The following TCF3 variants were observed in gnomAD, a reference collection of about 807,000 sequenced individuals.
TCF3 encodes the protein transcription factor E2-alpha.
TCF3 carries 54 observed loss-of-function variants against 72.3 expected under a neutral mutation model. The observed-to-expected ratio is 0.75, with a 90% CI of 0.60 to 0.94. The LOEUF is 0.94. TCF3 is among the 40% of genes least tolerant of loss of function. The pLI is 0.00. For missense variants in TCF3, 1,078 were observed against 934.4 expected (o/e 1.15, Z -2.00); for synonymous variants, 525 against 412.6 (o/e 1.27, Z -3.30).
In TCF3 at chr19:1,612,577, ACAGCAGTGTGGG is replaced by A; in HGVS notation, c.1823-740_1823-729del. 5.3e-6 allele frequency: 4 copies of A among 749,012 alleles called. No individual in the cohort carries two copies. In the Admixed American group the frequency reaches 7.8e-5, roughly 15 times the overall value. 46.4% of individuals were successfully genotyped at this position (749,012 alleles called of 1,614,324 possible). A position where few individuals can be genotyped will look rare whatever the true frequency, so the allele number is the denominator to read the frequency against. ...GGGTACACGGCTGGTGTTGGTGGGC[ACAGCAGTGTGGG>A]CAGCAGTGCAGGTACATGGCTTACA... On this transcript the variant is annotated intron_variant, in intron 18 of 18. Coordinates refer to ENST00000262965, the MANE Select transcript of TCF3 (RefSeq NM_003200.5).
intron 8 of TCF3, among the ~76,000 whole-genome samples, chr19:1,623,382 C>CTTT (rs371876498): frequency 3.1e-5 from 4 of 129,854 alleles, no homozygotes; most frequent in East Asian, 2.5e-4. Flanking sequence ...GCACCCCCCG[C>CTTT]TTTTTTTTTT....
intron 7 of TCF3, 108 bp from the exon 8 acceptor site, chr19:1,624,108 C>T: frequency 1.7e-6 from 2 of 1,173,376 alleles, no homozygotes; most frequent in Non-Finnish European, 2.5e-6. Flanking sequence ...TATTAAAAAC[C>T]TCGGGTCGGC....
chr19:1,648,827 G>GTT (rs910933432), intron 2 of TCF3, among the ~76,000 whole-genome samples: 1 of 150,866 alleles, frequency 6.6e-6, no homozygotes, highest in Non-Finnish European at 1.5e-5. Flanking sequence ...TGGGGGGGGG[G>GTT]GGGGAGCAGA....
chr19:1,645,900 C>A (rs561717355), intron 3 of TCF3, among the ~76,000 whole-genome samples: 1 of 152,180 alleles, frequency 6.6e-6, no homozygotes, highest in Non-Finnish European at 1.5e-5. Flanking sequence ...ATACAGCAAG[C>A]GCCTAATACC....
Position 1,622,363 on chromosome 19 carries a change from G to C in TCF3, c.602C>G (p.Pro201Arg), listed in dbSNP as rs770464889. 1.3e-6 allele frequency: 2 copies of C among 1,529,808 alleles called. No individual in the cohort carries two copies. Among genetic ancestry groups the C allele is most frequent in the Admixed American group, 2.1e-5 (1 of 48,746 alleles). 94.8% of individuals were successfully genotyped at this position (1,529,808 alleles called of 1,614,324 possible). Residue 201 changes from proline to arginine, a missense_variant, in exon 9 of 19, where the codon CCG becomes CGG. By Grantham distance (103) the Pro-to-Arg change is moderately radical (BLOSUM62 -2). Coordinates refer to ENST00000262965, the MANE Select transcript of TCF3 (RefSeq NM_003200.5). ...EDYGRDATAY[P>R]SAKTPSSTYP... ...GGTGCTGCTGGGGGTCTTGGCGGAC[G>C]GGTAGGCGGTGGCATCCCTGCCGTA...
intron 3 of TCF3, 99 bp downstream of exon 3, chr19:1,646,256 C>G (rs1163210615): frequency 7.7e-6 from 10 of 1,295,928 alleles, no homozygotes; most frequent in Non-Finnish European, 8.6e-6. Context: ...CCCATTGTCT[C>G]CCTCCTTTGC....
At chr19:1,612,298 C>A in intron 18 of TCF3, 1 of 1,613,842 alleles carries the variant, frequency 6.2e-7, no homozygotes, top group South Asian at 1.1e-5. Context: ...TGAGGTGCAT[C>A]TGGCACATGC....
At position 1,642,154 on chromosome 19, in the gene TCF3, ACACACACACAC is replaced by A. The variant is rs1568482304; in HGVS notation, c.145+4190_145+4200del. Among the ~76,000 whole-genome samples, 72 of 151,642 alleles carry A rather than the reference ACACACACACAC, an allele frequency of 4.7e-4. 1 individual carries two copies. The South Asian group carries it at 0.014, about 30-fold the overall frequency. On this transcript the variant is annotated intron_variant, in intron 3 of 18. Transcript: ENST00000262965. ...TACACACACACACACACACACACAC[ACACACACACAC>A]GCACGCGTACACACACGCACGCAGA... is the stretch of plus-strand genomic sequence containing the variant.
intron 18 of TCF3, among the ~76,000 whole-genome samples, chr19:1,612,712 G>A (rs961688648): frequency 1.0e-4 from 15 of 144,916 alleles, no homozygotes; most frequent in Admixed American, 4.1e-4. Context: ...GCGGGTACAC[G>A]GCTGGTGTGG....
chr19:1,630,919 G>A (rs1394496057), intron 5 of TCF3, among the ~76,000 whole-genome samples: 2 of 152,260 alleles, frequency 1.3e-5, no homozygotes, highest in Non-Finnish European at 2.9e-5. Context: ...CCGCAGGAGG[G>A]ACCGCACACG....
chr19:1,615,180 G>A lies in TCF3; in HGVS notation c.1822+105C>T, dbSNP rs1176182831. 2.2e-6 allele frequency: 3 copies of A among 1,378,074 alleles called. No individual in the cohort carries two copies. The highest frequency in any genetic ancestry group is 1.5e-5 in the African/African-American group (1 of 68,832). 85.4% of individuals were successfully genotyped at this position (1,378,074 alleles called of 1,614,324 possible). ...TCACTGCAAGGAGGCAACTGCTGCA[G>A]AGGGAGGGCTGGCTCCAGGAAGGCG... is the stretch of plus-strand genomic sequence containing the variant. On this transcript the variant is annotated intron_variant, in intron 18 of 18. Coordinates refer to ENST00000262965, the MANE Select transcript of TCF3 (RefSeq NM_003200.5). The surrounding 1 kb of genome is among the most constrained non-coding windows in gnomAD (Gnocchi z 7.3).
chr19:1,631,544 C>T (rs1349520345), intron 5 of TCF3, among the ~76,000 whole-genome samples: 4 of 152,118 alleles, frequency 2.6e-5, no homozygotes, highest in Non-Finnish European at 1.5e-5. Context: ...GCTGGTATTA[C>T]AGGCGTGAGC....
rs754176050 is a variant in TCF3 at position 1,621,890 on chromosome 19, G to A, written c.903C>T (p.Tyr301=). 1.5e-5 allele frequency: 24 copies of A among 1,596,564 alleles called. No homozygotes were observed. The highest frequency in any genetic ancestry group is 4.5e-5 in the South Asian group (4 of 88,304). The change falls in exon 11 of 19, where the codon TAC becomes TAT. Residue 301 remains tyrosine, a synonymous_variant. Coordinates refer to ENST00000262965, the MANE Select transcript of TCF3 (RefSeq NM_003200.5). ...SSFSSAPGAT[Y]GGVSSHTPPV... ...GCGGCGTGTGGCTGGAGACGCCGCC[G>A]TACGTGGCTCCGGGGGCTGAGGAGA...
Position 1,646,682 on chromosome 19 carries a change from C to A in TCF3, c.73-255G>T, listed in dbSNP as rs574331696. On this transcript the variant is annotated intron_variant, in intron 2 of 18. Coordinates refer to ENST00000262965, the MANE Select transcript of TCF3 (RefSeq NM_003200.5). ...AACTCCAGACGATGACCCCGCTGTA[C>A]CGCCAGGCAGAGTCCCTGCCGCTGA... 6.6e-5 allele frequency among the ~76,000 whole-genome samples: 10 copies of A among 152,318 alleles called. No homozygotes were observed. The South Asian group carries it at 2.1e-3, about 32-fold the overall frequency.
intron 18 of TCF3, among the ~76,000 whole-genome samples, chr19:1,613,659 A>G (rs2061264529): frequency 6.6e-6 from 1 of 152,070 alleles, no homozygotes; most frequent in African/African-American, 2.4e-5. Context: ...GGGACTGGGG[A>G]GTCCAGGACT....
At position 1,615,941 on chromosome 19, in the gene TCF3, TAAAAAC is replaced by T. The variant is rs1312722100; in HGVS notation, c.1451-126_1451-121del. 4 of 1,309,148 alleles carry T rather than the reference TAAAAAC, an allele frequency of 3.1e-6. No individual in the cohort carries two copies. The highest frequency in any genetic ancestry group is 4.3e-4 in the Middle Eastern group (2 of 4,634). The allele number at this position is 1,309,148 out of a possible 1,614,324, so 81.1% of individuals were successfully genotyped here. A position where few individuals can be genotyped will look rare whatever the true frequency, so the allele number is the denominator to read the frequency against. ...GGAAAAACCAGGTCTTGGCCAAAAA[TAAAAAC>T]AAAAAACCAACAACCAGAACTGGAT... On this transcript the variant is annotated intron_variant, in intron 16 of 18. Coordinates refer to ENST00000262965, the MANE Select transcript of TCF3 (RefSeq NM_003200.5). This position sits in a 1 kb window ranked among gnomAD's most constrained non-coding sequence, Gnocchi z 7.3.
chr19:1,640,152 AG>A (rs573453913), intron 3 of TCF3, among the ~76,000 whole-genome samples: 1 of 152,268 alleles, frequency 6.6e-6, no homozygotes, highest in Admixed American at 6.5e-5. Flanking sequence ...GTTATCAAAG[AG>A]CCGAACGGGG....
intron 3 of TCF3, among the ~76,000 whole-genome samples, chr19:1,633,364 T>G (rs1275506324): frequency 2.6e-5 from 4 of 152,032 alleles, no homozygotes; most frequent in African/African-American, 9.7e-5. Flanking sequence ...AACTCCCAAG[T>G]CCAGAGGCTT....
chr19:1,650,988 G>T (rs1433755367), intron 1 of TCF3: 1 of 230,540 alleles, frequency 4.3e-6, no homozygotes, highest in Non-Finnish European at 8.6e-6. Flanking sequence ...GCCCTAGATT[G>T]CTTTACTGTC....
Sources: allele counts gnomAD v4.1 joint callset (sites outside exome capture counted in the v4.1 genomes callset), GRCh38; gene constraint gnomAD v4.1.1; non-coding constraint Gnocchi (gnomAD v3.1); transcripts MANE v1.5; gene names NCBI Gene and HGNC (gene_info 2026-07-23, HGNC 2026-07-21).